The following MYO5B variants were observed in gnomAD, a reference collection of about 807,000 sequenced individuals.
MYO5B encodes unconventional myosin-Vb.
MYO5B carries 143 observed loss-of-function variants against 229.3 expected under a neutral mutation model. The observed-to-expected ratio is 0.62, with a 90% CI of 0.54 to 0.72. MYO5B has a LOEUF of 0.72. Ranked by LOEUF, MYO5B falls within the 30% of genes least tolerant of loss-of-function variation. The pLI is 0.00. For missense variants in MYO5B, 2,321 were observed against 2,331.0 expected, an observed-to-expected ratio of 1.00 and a Z score of 0.09; for synonymous variants, 918 against 885.2, an observed-to-expected ratio of 1.04 and a Z score of -0.66.
At chr18:50,168,256 A>C (rs1029344820) in intron 1 of MYO5B, among the ~76,000 whole-genome samples, 2 of 152,210 alleles carry the variant, frequency 1.3e-5, no homozygotes, top group Non-Finnish European at 2.9e-5. Context: ...CAAGGCCTTC[A>C]ACCTCACAAG....
chr18:50,017,648 TG>T (rs2026230414), intron 4 of MYO5B, among the ~76,000 whole-genome samples: 1 of 152,240 alleles, frequency 6.6e-6, no homozygotes. Context: ...TCCTTTTTCT[TG>T]GGTTAAATGT....
intron 27 of MYO5B, among the ~76,000 whole-genome samples, chr18:49,866,113 G>A (rs1486242369): frequency 6.6e-6 from 1 of 152,190 alleles, no homozygotes; most frequent in Non-Finnish European, 1.5e-5. Flanking sequence ...CTGTCGCCCA[G>A]GCTGGAGTGC....
chr18:49,923,585 A>T (rs578221469), intron 17 of MYO5B, among the ~76,000 whole-genome samples: 204 of 152,308 alleles, frequency 1.3e-3, no homozygotes, highest in African/African-American at 4.4e-3. Flanking sequence ...GCGAGGCTTC[A>T]AGCTAGCTCA....
rs1437777699 is a variant in MYO5B, at chr18:49,825,479, A to G, written c.*992T>C. 6.6e-6 allele frequency: 1 copy of G among 151,588 alleles called. No homozygotes were observed. Among genetic ancestry groups the G allele is most frequent in the Non-Finnish European group, 1.5e-5 (1 of 67,922 alleles). 9.4% of individuals were successfully genotyped at this position (151,588 alleles called of 1,614,324 possible). ...CTGATTATTTTTGAAGGTTTTTCAG[A>G]TGATCTGATGTGCGAACTTTAGTTT... On this transcript the variant is annotated 3_prime_UTR_variant, in exon 40 of 40. Transcript: ENST00000285039.
chr18:50,185,705 C>T (rs1348335808), intron 1 of MYO5B, among the ~76,000 whole-genome samples: 1 of 152,180 alleles, frequency 6.6e-6, no homozygotes, highest in Admixed American at 6.5e-5. Flanking sequence ...TGGAACCAAC[C>T]TAAATGCTCA....
At position 50,157,442 on chromosome 18, in the gene MYO5B, C is replaced by G. The variant is rs549578067; in HGVS notation, c.27+37325G>C. ...ATGTGATCTGACCCGGGTCTCTTTC[C>G]AACCTCTCTCAAACGCTCCCCTATA... On this transcript the variant is annotated intron_variant, in intron 1 of 39. Coordinates refer to ENST00000285039, the MANE Select transcript of MYO5B (RefSeq NM_001080467.3). 3.4e-4 allele frequency among the ~76,000 whole-genome samples: 51 copies of G among 152,222 alleles called. 1 individual carries two copies. In the South Asian group the frequency reaches 5.0e-3, roughly 15 times the overall value.
At chr18:50,103,855 G>A (rs1260946275) in intron 1 of MYO5B, among the ~76,000 whole-genome samples, 1 of 152,072 alleles carries the variant, frequency 6.6e-6, no homozygotes, top group Non-Finnish European at 1.5e-5. Flanking sequence ...TTGCCGTCAA[G>A]CACATGCAGT....
intron 4 of MYO5B, among the ~76,000 whole-genome samples, chr18:50,018,364 A>C (rs2026239232): frequency 6.7e-6 from 1 of 149,880 alleles, no homozygotes; most frequent in African/African-American, 2.5e-5. Context: ...TATTTTCTGC[A>C]TGTCTCCACC....
At chr18:50,008,036 G>A (rs1405841980) in intron 4 of MYO5B, among the ~76,000 whole-genome samples, 1 of 152,038 alleles carries the variant, frequency 6.6e-6, no homozygotes, top group Non-Finnish European at 1.5e-5. Context: ...GAATTATACA[G>A]GATAATGCAT....
chr18:50,160,974 G>A (rs576826532), intron 1 of MYO5B, among the ~76,000 whole-genome samples: 5 of 151,956 alleles, frequency 3.3e-5, no homozygotes, highest in African/African-American at 7.3e-5. Flanking sequence ...CCCAACTCCC[G>A]CCCTGTCCTG....
intron 1 of MYO5B, among the ~76,000 whole-genome samples, chr18:50,163,920 T>C (rs866952399): frequency 8.5e-5 from 13 of 152,218 alleles, no homozygotes; most frequent in Non-Finnish European, 8.8e-5. Flanking sequence ...CCCATCCATG[T>C]CTAAATCCTA....
chr18:50,034,059 T>C (rs555039265), intron 4 of MYO5B, among the ~76,000 whole-genome samples: 48 of 152,350 alleles, frequency 3.2e-4, no homozygotes, highest in African/African-American at 1.0e-3. Flanking sequence ...AGAGAATCAC[T>C]GAGTCCAAGG....
intron 1 of MYO5B, among the ~76,000 whole-genome samples, chr18:50,093,733 G>A (rs1396785739): frequency 6.6e-6 from 1 of 151,748 alleles, no homozygotes; most frequent in African/African-American, 2.4e-5. Context: ...CGTCCTCAGC[G>A]CTCATTAAAC....
chr18:49,957,386 A>G (rs1481862465), intron 12 of MYO5B, among the ~76,000 whole-genome samples: 1 of 152,026 alleles, frequency 6.6e-6, no homozygotes, highest in Non-Finnish European at 1.5e-5. Flanking sequence ...TCACACCTGT[A>G]ATCCCAGCAC....
chr18:50,137,301 TGCTTTATGCCA>T (rs1387710247), intron 1 of MYO5B, among the ~76,000 whole-genome samples: 12 of 152,252 alleles, frequency 7.9e-5, no homozygotes, highest in African/African-American at 2.7e-4. Flanking sequence ...TTTCAGGGCC[TGCTTTATGCCA>T]GCACTGTGTA....
chr18:50,181,177 T>C (rs9949319), intron 1 of MYO5B, among the ~76,000 whole-genome samples: 8,043 of 152,332 alleles, frequency 0.053, 424 homozygotes, highest in African/African-American at 0.13. Context: ...GAAGTAATTA[T>C]ATGTTCATAC....
intron 34 of MYO5B, among the ~76,000 whole-genome samples, chr18:49,842,044 G>A (rs1227075139): frequency 1.3e-5 from 2 of 150,294 alleles, no homozygotes; most frequent in African/African-American, 4.9e-5. Context: ...ATTCTGTCAA[G>A]TAAGCGTTAT....
At chr18:50,074,062 C>G (rs752712279) in intron 1 of MYO5B, among the ~76,000 whole-genome samples, 1 of 152,112 alleles carries the variant, frequency 6.6e-6, no homozygotes, top group South Asian at 2.1e-4. Flanking sequence ...AAGACATACC[C>G]GAGACTGGGA....
chr18:49,940,346 G>C (rs1480226858), intron 14 of MYO5B, among the ~76,000 whole-genome samples: 1 of 152,172 alleles, frequency 6.6e-6, no homozygotes, highest in Non-Finnish European at 1.5e-5. Flanking sequence ...AGACAGAGTA[G>C]CAAGATGGTG....
Sources: gnomAD v4.1 joint callset for allele counts (sites outside exome capture counted in the v4.1 genomes callset) on GRCh38, gnomAD v4.1.1 for gene constraint, MANE v1.5 for transcripts, NCBI Gene and HGNC (gene_info 2026-07-23, HGNC 2026-07-21) for gene names.